Variants in RAP1GDS1 observed in about 807,000 individuals in gnomAD.
RAP1GDS1 encodes the protein Rap1 GTPase-GDP dissociation stimulator 1.
A neutral mutation model predicts 71.1 loss-of-function variants in RAP1GDS1; 35 were observed. That is an observed-to-expected ratio of 0.49 (90% CI 0.38 to 0.65). RAP1GDS1 has a LOEUF of 0.65. Ranked by LOEUF, RAP1GDS1 falls within the 30% of genes least tolerant of loss-of-function variation. The pLI is 0.00. For missense variants in RAP1GDS1, 663 were observed against 706.1 expected (o/e 0.94, Z 0.69); for synonymous variants, 229 against 243.1 (o/e 0.94, Z 0.54).
chr4:98,325,118 A>G (rs1732768957), intron 2 of RAP1GDS1, among the ~76,000 whole-genome samples: 1 of 151,950 alleles, frequency 6.6e-6, no homozygotes, highest in African/African-American at 2.4e-5. Flanking sequence ...GAAGGACATG[A>G]ACAGACACTT....
At chr4:98,346,608 G>A (rs963268913) in intron 3 of RAP1GDS1, among the ~76,000 whole-genome samples, 22 of 151,010 alleles carry the variant, frequency 1.5e-4, no homozygotes, top group African/African-American at 4.9e-4. Context: ...GCAATGGTGC[G>A]ATCTCAGCTC....
intron 2 of RAP1GDS1, among the ~76,000 whole-genome samples, chr4:98,316,916 A>C (rs1385552024): frequency 2.0e-5 from 3 of 152,132 alleles, no homozygotes; most frequent in Non-Finnish European, 4.4e-5. Context: ...CTGAGGGGGA[A>C]ATTCCAGTGT....
intron 14 of RAP1GDS1, 52 bp from the exon 15 acceptor site, chr4:98,441,938 T>C (rs1181866905): frequency 3.1e-6 from 5 of 1,589,664 alleles, no homozygotes; most frequent in African/African-American, 1.3e-5. Context: ...ATGTTTTGGA[T>C]AGACTTAGAA....
chr4:98,327,513 AT>A (rs1411129383), intron 2 of RAP1GDS1, among the ~76,000 whole-genome samples: 1 of 152,182 alleles, frequency 6.6e-6, no homozygotes. Flanking sequence ...TTTGTCAGGC[AT>A]TTATTCATGA....
intron 7 of RAP1GDS1, among the ~76,000 whole-genome samples, chr4:98,410,403 A>G (rs1347696197): frequency 6.6e-6 from 1 of 152,194 alleles, no homozygotes; most frequent in East Asian, 1.9e-4. Context: ...AAAGTCTCAT[A>G]AACCAACTGT....
At chr4:98,422,136 C>G (rs374188487) in intron 12 of RAP1GDS1, among the ~76,000 whole-genome samples, 92 of 151,862 alleles carry the variant, frequency 6.1e-4, no homozygotes, top group Middle Eastern at 3.4e-3. Flanking sequence ...GGAGGCGGAG[C>G]TTGCAGAGAG....
chr4:98,436,987 C>T lies in RAP1GDS1; in HGVS notation c.1615C>T (p.His539Tyr). The T allele has an allele frequency of 6.2e-7, 1 of 1,612,508 alleles. No individual in the cohort carries two copies. The highest frequency in any genetic ancestry group is 8.5e-7 in the Non-Finnish European group (1 of 1,179,576). ...LESAKLVQILHRLLADERSAP... is the reference protein window; with the variant it reads ...LESAKLVQILYRLLADERSAP... ...AAGTGCTAAACTTGTACAGATTTTA[C>T]ATAGACTGCTAGCAGATGAGAGAAG... The change falls in exon 14 of 15, where the codon CAT becomes TAT. Residue 539 changes from histidine to tyrosine, a missense_variant. Transcript: ENST00000408927.
intron 5 of RAP1GDS1, chr4:98,387,655 T>C (rs1003955357): frequency 3.1e-6 from 1 of 322,916 alleles, no homozygotes; most frequent in African/African-American, 2.1e-5. Flanking sequence ...ATTTCGTAAA[T>C]CTGTATTTGG....
intron 2 of RAP1GDS1, among the ~76,000 whole-genome samples, chr4:98,305,328 A>G (rs573062142): frequency 5.9e-5 from 9 of 151,884 alleles, no homozygotes; most frequent in Non-Finnish European, 1.3e-4. Context: ...CCATTTGTTT[A>G]TGTCTTCTCT....
chr4:98,426,084 A>G (rs1323784262), intron 12 of RAP1GDS1, among the ~76,000 whole-genome samples: 1 of 152,180 alleles, frequency 6.6e-6, no homozygotes, highest in Non-Finnish European at 1.5e-5. Flanking sequence ...CTTCAAAGCC[A>G]TGCAAATACA....
At chr4:98,330,956 G>A (rs1733915825) in intron 2 of RAP1GDS1, among the ~76,000 whole-genome samples, 1 of 152,222 alleles carries the variant, frequency 6.6e-6, no homozygotes, top group Non-Finnish European at 1.5e-5. Flanking sequence ...CGGCTGGGAG[G>A]TGGAGGTTGT....
At chr4:98,291,374 C>T (rs1450377670) in intron 1 of RAP1GDS1, among the ~76,000 whole-genome samples, 2 of 152,182 alleles carry the variant, frequency 1.3e-5, no homozygotes, top group African/African-American at 4.8e-5. Flanking sequence ...CTTACTGCCT[C>T]ATTACCAGCC....
intron 1 of RAP1GDS1, among the ~76,000 whole-genome samples, chr4:98,283,577 G>A (rs1422555630): frequency 6.6e-6 from 1 of 152,078 alleles, no homozygotes; most frequent in South Asian, 2.1e-4. Context: ...AATTTAGATT[G>A]TCAAGAGAAA....
In RAP1GDS1 at chr4:98,280,315, A is replaced by G. The variant is rs147454238; in HGVS notation, c.5-13093A>G. 6.8e-4 allele frequency among the ~76,000 whole-genome samples: 104 copies of G among 152,306 alleles called. 2 individuals are homozygous for G. In the East Asian group the frequency reaches 0.015, roughly 22 times the overall value. ...TGATCGCCATTCTAACTGGTGTGAG[A>G]TGGTATCTCATTGTGGCATTGATTT... On this transcript the variant is annotated intron_variant, in intron 1 of 14. Transcript: ENST00000408927.
At chr4:98,434,138 G>A in intron 13 of RAP1GDS1, 76 bp downstream of exon 13, 1 of 1,541,926 alleles carries the variant, frequency 6.5e-7, no homozygotes, top group East Asian at 2.3e-5. Context: ...TGGAGTTGAA[G>A]TCAGACAGAA....
chr4:98,315,380 T>C (rs1247035787), intron 2 of RAP1GDS1, among the ~76,000 whole-genome samples: 2 of 152,170 alleles, frequency 1.3e-5, no homozygotes, highest in Non-Finnish European at 2.9e-5. Flanking sequence ...TCCATGTCTT[T>C]GACTACCAAA....
intron 7 of RAP1GDS1, among the ~76,000 whole-genome samples, chr4:98,412,130 G>A (rs1747158339): frequency 6.6e-6 from 1 of 152,178 alleles, no homozygotes; most frequent in African/African-American, 2.4e-5. Context: ...ATGATAAGCT[G>A]AAGCTGCCAT....
At chr4:98,418,304 G>A (rs890230870) in intron 9 of RAP1GDS1, among the ~76,000 whole-genome samples, 7 of 152,128 alleles carry the variant, frequency 4.6e-5, no homozygotes, top group African/African-American at 1.7e-4. Flanking sequence ...GATAGCAAAA[G>A]GTAGAGTACT....
chr4:98,389,545 T>C (rs1352904918), intron 5 of RAP1GDS1, among the ~76,000 whole-genome samples: 3 of 152,124 alleles, frequency 2.0e-5, no homozygotes, highest in African/African-American at 7.2e-5. Flanking sequence ...ATATAATGAA[T>C]TTGGCTCCTG....
Sources: allele counts gnomAD v4.1 joint callset (sites outside exome capture counted in the v4.1 genomes callset), GRCh38; gene constraint gnomAD v4.1.1; transcripts MANE v1.5; gene names NCBI Gene and HGNC (gene_info 2026-07-23, HGNC 2026-07-21).